Variants in GALNS observed in about 807,000 individuals in gnomAD.
GALNS encodes galactosamine (N-acetyl)-6-sulfatase.
GALNS carries 65 observed loss-of-function variants against 65.9 expected under a neutral mutation model. The ratio of observed to expected loss-of-function variants is 0.99; its 90% CI spans 0.81 to 1.21. The LOEUF is 1.21. Ranked by LOEUF, GALNS falls within the 50% of genes most tolerant of loss-of-function variation. GALNS has a pLI of 0.00. For synonymous variants in GALNS, 346 were observed against 288.9 expected, an observed-to-expected ratio of 1.20 and a Z score of -2.00; for missense variants, 776 against 700.7, an observed-to-expected ratio of 1.11 and a Z score of -1.21.
At chr16:88,828,325 G>A (rs76529330) in intron 9 of GALNS, among the ~76,000 whole-genome samples, 6,727 of 152,100 alleles carry the variant, frequency 0.044, 181 homozygotes, top group South Asian at 0.082. Context: ...CTCGTGGAGC[G>A]TTTTCGAAGA....
chr16:88,855,206 T>C (rs1418361696), intron 1 of GALNS: 2 of 691,966 alleles, frequency 2.9e-6, no homozygotes, highest in Non-Finnish European at 5.3e-6. Context: ...AAAAAATTAT[T>C]CATGAGCTGC....
At chr16:88,842,923 C>T in intron 1 of GALNS, 94 bp from the exon 2 acceptor site, 2 of 1,553,968 alleles carry the variant, frequency 1.3e-6, no homozygotes, top group Non-Finnish European at 1.7e-6. Flanking sequence ...GTGTCGGGGA[C>T]CGTGGAAGCC....
chr16:88,827,001 G>A (rs1032938831), intron 9 of GALNS, 163 bp from the exon 10 acceptor site: 23 of 844,440 alleles, frequency 2.7e-5, no homozygotes, highest in Non-Finnish European at 4.3e-5. Context: ...CACAAGGCCT[G>A]TGAGAGACAG....
At chr16:88,846,873 G>A (rs924289455) in intron 1 of GALNS, among the ~76,000 whole-genome samples, 4 of 152,002 alleles carry the variant, frequency 2.6e-5, no homozygotes, top group Admixed American at 1.3e-4. Context: ...CCCGACCCCC[G>A]TGTGTGGTCC....
At chr16:88,816,915 A>C in intron 13 of GALNS, 1 of 985,398 alleles carries the variant, frequency 1.0e-6, no homozygotes, top group Non-Finnish European at 1.2e-6. Flanking sequence ...CAGCCCGTGT[A>C]AACAGGTGAG....
chr16:88,826,740 G>A lies in GALNS; in HGVS notation c.1101C>T (p.Asn367=), dbSNP rs993678863. The change falls in exon 10 of 14, where the codon AAC becomes AAT. Residue 367 remains asparagine (N), a synonymous_variant. Coordinates refer to ENST00000268695, the MANE Select transcript of GALNS (RefSeq NM_000512.5). Reference sequence around the variant, plus strand: ...GGCCCTGCAGGAGGGTGGGGAGGAGGTTGAGGCCATCAATGGCCCTGTCGC... The same window carrying A: ...GGCCCTGCAGGAGGGTGGGGAGGAGATTGAGGCCATCAATGGCCCTGTCGC... ...PPSDRAIDGL[N]LLPTLLQGRL... The A allele has an allele frequency of 3.1e-6, 5 of 1,612,430 alleles. No homozygotes were observed. The highest frequency in any genetic ancestry group is 1.3e-5 in the African/African-American group (1 of 75,032).
chr16:88,835,231 T>G lies in GALNS; in HGVS notation c.880A>C (p.Ile294Leu). 6.3e-7 allele frequency: 1 copy of G among 1,594,878 alleles called. No homozygotes were observed. Among genetic ancestry groups the G allele is most frequent in the Non-Finnish European group, 8.5e-7 (1 of 1,169,730 alleles). The stretch of plus-strand genomic sequence containing the variant: ...CACTCACCTTGTTCGGGGGCGGAAA[T>G]GAGGGCAGCGCCGTTGTCCGACGTG... ...FFTSDNGAAL[I>L]SAPEQGGSNG... The change falls in exon 8 of 14, where the codon ATT (isoleucine) becomes CTT (leucine). Residue 294 changes from isoleucine (I) to leucine (L), a missense_variant. Coordinates refer to ENST00000268695, the MANE Select transcript of GALNS (RefSeq NM_000512.5).
intron 4 of GALNS, among the ~76,000 whole-genome samples, chr16:88,839,616 G>T (rs11076724): frequency 0.046 from 7,001 of 152,274 alleles, 533 homozygotes; most frequent in African/African-American, 0.16. Flanking sequence ...TGCCCTGAGA[G>T]GGGACCCTGC....
At chr16:88,854,641 C>T (rs1357479963) in intron 1 of GALNS, among the ~76,000 whole-genome samples, 1 of 152,254 alleles carries the variant, frequency 6.6e-6, no homozygotes, top group East Asian at 1.9e-4. Context: ...CAGAGCCAAC[C>T]TCCCACTGGG....
chr16:88,832,986 G>C (rs774104345), intron 8 of GALNS, among the ~76,000 whole-genome samples: 1 of 151,140 alleles, frequency 6.6e-6, no homozygotes. Flanking sequence ...GCTGAGGTGG[G>C]AGGATTGCTG....
chr16:88,835,880 G>C lies in GALNS; in HGVS notation c.634-31C>G, dbSNP rs545139343. On this transcript the variant is annotated intron_variant, in intron 6 of 13. Transcript: ENST00000268695. ...GAGAGAGCCACACCGTCGTCCTCCA[G>C]CCTCAGGCCGACCTCCTCATGCCTC... The C allele has an allele frequency of 3.1e-6, 5 of 1,613,218 alleles. No homozygotes were observed. The African/African-American group carries it at 4.0e-5, about 13-fold the overall frequency.
At position 88,814,446 on chromosome 16, in the gene GALNS, G is replaced by A. The variant is rs1909419364; in HGVS notation, c.1562C>T (p.Ser521Phe). Residue 521 changes from serine (S) to phenylalanine (F), a missense_variant, in exon 14 of 14, where the codon TCC becomes TTC. Transcript: ENST00000268695. ...CCTGAGTCTGCGCAGGTGCTAGTGG[G>A]ACCAGAGGCACTTCTTGGGAATGGA... is the stretch of plus-strand genomic sequence containing the variant. ...PESIPKKCLW[S>F]H The A allele has an allele frequency of 6.4e-7, 1 of 1,559,658 alleles. No homozygotes were observed. Among genetic ancestry groups the A allele is most frequent in the Non-Finnish European group, 8.7e-7 (1 of 1,151,388 alleles).
chr16:88,816,157 C>T (rs928984034), intron 13 of GALNS: 85 of 985,446 alleles, frequency 8.6e-5, no homozygotes, highest in South Asian at 9.4e-5. Context: ...ACAGGTGTGG[C>T]GGTGGGGGCA....
chr16:88,843,874 A>C (rs1372887083), intron 1 of GALNS: 2 of 152,474 alleles, frequency 1.3e-5, no homozygotes, highest in African/African-American at 4.8e-5. Context: ...GGAAAGCTTC[A>C]TGTGAGGGAA....
rs561654921 is a variant in GALNS at position 88,832,157 on chromosome 16, C to T, written c.899-56G>A. The stretch of plus-strand genomic sequence containing the variant: ...GGGACCAGATGTCCCCAGGCCCTCC[C>T]CCTCCCTCCCCACTGAGTCACTGAG... On this transcript the variant is annotated intron_variant, in intron 8 of 13. Coordinates refer to ENST00000268695, the MANE Select transcript of GALNS (RefSeq NM_000512.5). The T allele has an allele frequency of 4.0e-5, 58 of 1,440,406 alleles. No individual in the cohort carries two copies. In the South Asian group the frequency reaches 5.9e-4, roughly 15 times the overall value. The allele number at this position is 1,440,406 out of a possible 1,614,324, so 89.2% of individuals were successfully genotyped here. A position where few individuals can be genotyped will look rare whatever the true frequency, so the allele number is the denominator to read the frequency against.
Position 88,856,911 on chromosome 16 carries a change from G to C in GALNS, c.-34C>G. On this transcript the variant is annotated 5_prime_UTR_variant, in exon 1 of 14. Transcript: ENST00000268695. ...CGGGAGCCGCGGAGCCCCGGCCAGC[G>C]AGCCGACCTAGCGAGCGTCCGCCGG... is the stretch of plus-strand genomic sequence containing the variant. 2 of 1,496,658 alleles carry C rather than the reference G, an allele frequency of 1.3e-6. No individual in the cohort carries two copies. The highest frequency in any genetic ancestry group is 1.8e-6 in the Non-Finnish European group (2 of 1,131,414). 92.7% of individuals were successfully genotyped at this position (1,496,658 alleles called of 1,614,324 possible). A position where few individuals can be genotyped will look rare whatever the true frequency, so the allele number is the denominator to read the frequency against.
intron 4 of GALNS, chr16:88,840,681 G>A (rs1966922690): frequency 2.3e-6 from 1 of 436,016 alleles, no homozygotes; most frequent in East Asian, 4.9e-5. Flanking sequence ...GACGTGGCAG[G>A]AGGCAGCCGG....
At chr16:88,815,060 C>T in intron 13 of GALNS, 1 of 909,350 alleles carries the variant, frequency 1.1e-6, no homozygotes, top group Non-Finnish European at 1.2e-6. Flanking sequence ...GTCCCCTGCC[C>T]AGGTCAACCC....
chr16:88,852,444 G>A (rs1289384730), intron 1 of GALNS, among the ~76,000 whole-genome samples: 1 of 152,218 alleles, frequency 6.6e-6, no homozygotes, highest in Non-Finnish European at 1.5e-5. Context: ...GAGCAGAAAA[G>A]CTGAAAATTC....
Sources: gnomAD v4.1 joint callset for allele counts (sites outside exome capture counted in the v4.1 genomes callset) on GRCh38, gnomAD v4.1.1 for gene constraint, MANE v1.5 for transcripts, NCBI Gene and HGNC (gene_info 2026-07-23, HGNC 2026-07-21) for gene names.